Variants in ARHGAP15 observed in about 807,000 individuals in gnomAD.
ARHGAP15 encodes the protein rho GTPase-activating protein 15.
Under a neutral mutation model 63.7 loss-of-function variants are expected in ARHGAP15, and 51 were observed. That is an observed-to-expected ratio of 0.80 (90% CI 0.64 to 1.01). ARHGAP15 has a LOEUF of 1.01. ARHGAP15 is among the 50% of genes least tolerant of loss of function. The probability of loss-of-function intolerance (pLI) is 0.00; values close to 1 mark genes in which losing one functional copy is unlikely to be tolerated. For missense variants in ARHGAP15, 560 were observed against 564.6 expected (o/e 0.99, Z 0.08); for synonymous variants, 191 against 193.8 (o/e 0.99, Z 0.12).
chr2:143,248,080 G>T (rs1275253387), intron 5 of ARHGAP15, among the ~76,000 whole-genome samples: 1 of 152,188 alleles, frequency 6.6e-6, no homozygotes, highest in African/African-American at 2.4e-5. Flanking sequence ...TCTAGTGGGG[G>T]AAACACAGAC....
chr2:143,246,404 C>A (rs1344182466), intron 5 of ARHGAP15, among the ~76,000 whole-genome samples: 1 of 151,770 alleles, frequency 6.6e-6, no homozygotes, highest in African/African-American at 2.4e-5. Flanking sequence ...GGGCTGTGAT[C>A]TCCATGAAGT....
intron 8 of ARHGAP15, among the ~76,000 whole-genome samples, chr2:143,481,415 A>T (rs966101594): frequency 6.6e-6 from 1 of 151,800 alleles, no homozygotes; most frequent in South Asian, 2.1e-4. Context: ...TCAAAAAAAA[A>T]ATAATAACAA....
At chr2:143,474,016 T>A (rs1329796241) in intron 8 of ARHGAP15, among the ~76,000 whole-genome samples, 1 of 152,158 alleles carries the variant, frequency 6.6e-6, no homozygotes, top group African/African-American at 2.4e-5. Context: ...GGGTTGGAAT[T>A]TGGCGAAATG....
Position 143,397,336 on chromosome 2 carries a change from GTGTGTGTGTGTA to G in ARHGAP15, c.475-38263_475-38252del, listed in dbSNP as rs1369946350. 1.8e-3 allele frequency among the ~76,000 whole-genome samples: 261 copies of G among 149,104 alleles called. 1 individual carries two copies. Among genetic ancestry groups the G allele is most frequent in the African/African-American group, 6.4e-3 (259 of 40,730 alleles). On this transcript the variant is annotated intron_variant, in intron 6 of 13. Transcript: ENST00000295095. Reference sequence around the variant, plus strand: ...TATGTATGTGTGTGTGTGTGTGTGTGTGTGTGTGTGTATATATATATCTCCAACCTTAGTTTC... The same window carrying G: ...TATGTATGTGTGTGTGTGTGTGTGTGTATATATATCTCCAACCTTAGTTTC...
chr2:143,192,736 C>T (rs2105093544), intron 2 of ARHGAP15, among the ~76,000 whole-genome samples: 1 of 152,322 alleles, frequency 6.6e-6, no homozygotes, highest in South Asian at 2.1e-4. Context: ...TACCCTTGCC[C>T]TCATTGAACA....
At chr2:143,265,065 A>G (rs886671401) in intron 6 of ARHGAP15, among the ~76,000 whole-genome samples, 1 of 152,220 alleles carries the variant, frequency 6.6e-6, no homozygotes, top group African/African-American at 2.4e-5. Context: ...CTTTCACCCA[A>G]AGTTTTTGCA....
intron 11 of ARHGAP15, chr2:143,572,170 T>G (rs550729248): frequency 6.6e-6 from 1 of 152,312 alleles, no homozygotes; most frequent in Non-Finnish European, 1.5e-5. Context: ...ATCTGCATTG[T>G]AGGCTTTCAG....
At position 143,449,702 on chromosome 2, in the gene ARHGAP15, A is replaced by G. The variant is rs1410878704; in HGVS notation, c.703+12660A>G. On this transcript the variant is annotated intron_variant, in intron 8 of 13. Transcript: ENST00000295095. ...TTTCACAATTTAGTTATCAAAAAAT[A>G]GAGGAAAGATTCAAAATAAAGTCTG... 2.0e-5 allele frequency among the ~76,000 whole-genome samples: 3 copies of G among 152,262 alleles called. No homozygotes were observed. The East Asian group carries it at 5.8e-4, about 29-fold the overall frequency.
chr2:143,715,299 C>T (rs1186644972), intron 13 of ARHGAP15, among the ~76,000 whole-genome samples: 2 of 152,192 alleles, frequency 1.3e-5, no homozygotes, highest in Non-Finnish European at 2.9e-5. Context: ...ATTCAATTAC[C>T]TCCCACTGGG....
At chr2:143,720,434 G>T (rs1684997149) in intron 13 of ARHGAP15, among the ~76,000 whole-genome samples, 2 of 152,090 alleles carry the variant, frequency 1.3e-5, no homozygotes, top group African/African-American at 4.8e-5. Flanking sequence ...GCAGCCCAGC[G>T]AAAGGCCTCA....
rs74623453 is a variant in ARHGAP15, at chr2:143,544,718, G to A, written c.926-11690G>A. Among the ~76,000 whole-genome samples the A allele has an allele frequency of 4.9e-3, 745 of 152,244 alleles. 3 individuals are homozygous for A. The highest frequency in any genetic ancestry group is 0.017 in the African/African-American group (721 of 41,544). ...CTACACAATATCTGTCAAATTGCCT[G>A]GAGAGTTGGAATTCACCAATTCAAG... is the stretch of plus-strand genomic sequence containing the variant. On this transcript the variant is annotated intron_variant, in intron 10 of 13. Transcript: ENST00000295095.
chr2:143,514,928 A>C (rs1460341979), intron 9 of ARHGAP15, among the ~76,000 whole-genome samples: 18 of 152,178 alleles, frequency 1.2e-4, no homozygotes, highest in Non-Finnish European at 2.4e-4. Context: ...ACATCATTCC[A>C]AAGAAGACAT....
At chr2:143,183,790 T>C (rs552818057) in intron 2 of ARHGAP15, among the ~76,000 whole-genome samples, 3 of 151,832 alleles carry the variant, frequency 2.0e-5, no homozygotes, top group South Asian at 2.1e-4. Context: ...GGAAGCAAAA[T>C]TGACCAAAAG....
chr2:143,422,786 A>T (rs1688980083), intron 6 of ARHGAP15, among the ~76,000 whole-genome samples: 1 of 152,106 alleles, frequency 6.6e-6, no homozygotes, highest in Admixed American at 6.6e-5. Context: ...CCCAGTTCCT[A>T]AAAGGGGGCC....
At chr2:143,206,853 T>A (rs1692349212) in intron 3 of ARHGAP15, among the ~76,000 whole-genome samples, 1 of 152,016 alleles carries the variant, frequency 6.6e-6, no homozygotes, top group African/African-American at 2.4e-5. Context: ...CATAAAAAGT[T>A]TGCTCTGAAG....
At chr2:143,598,970 G>T (rs1697646270) in intron 11 of ARHGAP15, among the ~76,000 whole-genome samples, 1 of 150,922 alleles carries the variant, frequency 6.6e-6, no homozygotes, top group African/African-American at 2.4e-5. Context: ...TTTATTTTTT[G>T]AAGTTAGAAA....
chr2:143,729,663 TA>T (rs565691927), intron 13 of ARHGAP15, among the ~76,000 whole-genome samples: 42 of 152,334 alleles, frequency 2.8e-4, no homozygotes, highest in Admixed American at 2.5e-3. Flanking sequence ...ATTTTCACCT[TA>T]CAAAGGCATT....
intron 11 of ARHGAP15, among the ~76,000 whole-genome samples, chr2:143,571,443 A>G (rs1275606673): frequency 6.6e-6 from 1 of 152,214 alleles, no homozygotes; most frequent in Non-Finnish European, 1.5e-5. Flanking sequence ...GTCTCTATGA[A>G]TTTGAATGAG....
intron 13 of ARHGAP15, among the ~76,000 whole-genome samples, chr2:143,723,992 C>T (rs16822957): frequency 0.017 from 2,613 of 152,176 alleles, 145 homozygotes; most frequent in Admixed American, 0.12. Context: ...CGTCACTTCA[C>T]GTCTCAGCCA....
Sources: gnomAD v4.1 joint callset for allele counts (sites outside exome capture counted in the v4.1 genomes callset) on GRCh38, gnomAD v4.1.1 for gene constraint, MANE v1.5 for transcripts, NCBI Gene and HGNC (gene_info 2026-07-23, HGNC 2026-07-21) for gene names.